TMEM273: variants seen among roughly 807,000 people sequenced by gnomAD.
The protein encoded by TMEM273 is chromosome 10 open reading frame 128.
In TMEM273, 19 loss-of-function variants were observed where a neutral mutation model predicts 17.9. The ratio of observed to expected loss-of-function variants is 1.06; its 90% CI spans 0.74 to 1.55. TMEM273 has a LOEUF of 1.55. TMEM273 is among the 40% of genes most tolerant of loss of function. The pLI is 0.00. For synonymous variants in TMEM273, 66 were observed against 62.0 expected (o/e 1.07, Z -0.31); for missense variants, 194 against 155.6 (o/e 1.25, Z -1.31).
intron 2 of TMEM273, 105 bp downstream of exon 2, chr10:49,167,804 A>G: frequency 6.9e-7 from 1 of 1,448,664 alleles, no homozygotes; most frequent in South Asian, 1.2e-5. Flanking sequence ...TCCTATGCTG[A>G]CAGCAGGGAA....
chr10:49,174,201 C>A (rs1169283790), intron 1 of TMEM273, among the ~76,000 whole-genome samples: 1 of 152,218 alleles, frequency 6.6e-6, no homozygotes, highest in Non-Finnish European at 1.5e-5. Context: ...ACAAGTTATA[C>A]TTCTTAAATT....
rs541384967 is a variant in TMEM273 at position 49,154,834 on chromosome 10, A to G, written c.*1058T>C. ...ATCAGTTAACAAAGGCTGCTAATGA[A>G]CAGCATCGTTATCAAGTTGGGTAAG... On this transcript the variant is annotated 3_prime_UTR_variant, in exon 7 of 7. Transcript: ENST00000374153. 1 of 152,368 alleles carries G rather than the reference A, an allele frequency of 6.6e-6. No homozygotes were observed. Among genetic ancestry groups the G allele is most frequent in the Admixed American group, 6.5e-5 (1 of 15,312 alleles). The allele number at this position is 152,368 out of a possible 1,614,324, so 9.4% of individuals were successfully genotyped here.
chr10:49,159,594 G>C (rs1452877341), intron 6 of TMEM273, among the ~76,000 whole-genome samples: 4 of 152,166 alleles, frequency 2.6e-5, no homozygotes. Context: ...TCGTGACTCT[G>C]CCCATTGAAA....
Position 49,155,686 on chromosome 10 carries a change from G to T in TMEM273, c.*206C>A. 2.9e-6 allele frequency: 2 copies of T among 685,580 alleles called. No homozygotes were observed. Among genetic ancestry groups the T allele is most frequent in the South Asian group, 3.8e-5 (2 of 52,724 alleles). The allele number at this position is 685,580 out of a possible 1,614,324, so 42.5% of individuals were successfully genotyped here. On this transcript the variant is annotated 3_prime_UTR_variant, in exon 7 of 7. Coordinates refer to ENST00000374153, the MANE Select transcript of TMEM273 (RefSeq NM_001288740.3). ...GCTCAATCCTTCCTCTGTGCAGTCC[G>T]TTTCTTCCAGAAGAGGCATGATATT...
At chr10:49,160,909 T>G (rs900767253) in intron 6 of TMEM273, 1 of 152,088 alleles carries the variant, frequency 6.6e-6, no homozygotes, top group African/African-American at 2.4e-5. Flanking sequence ...GAGAGTGAGG[T>G]CAAGAGATTG....
intron 1 of TMEM273, among the ~76,000 whole-genome samples, chr10:49,171,030 C>A (rs1039147944): frequency 6.6e-6 from 1 of 152,178 alleles, no homozygotes; most frequent in Middle Eastern, 3.2e-3. Flanking sequence ...GTGGGAGACC[C>A]CAGGAGGAAG....
At chr10:49,176,114 C>T (rs1171939728) in intron 1 of TMEM273, among the ~76,000 whole-genome samples, 1 of 152,218 alleles carries the variant, frequency 6.6e-6, no homozygotes, top group Non-Finnish European at 1.5e-5. Flanking sequence ...GGCCCCATTG[C>T]ACACAGAGCA....
chr10:49,164,443 T>C (rs1306994440), intron 5 of TMEM273, among the ~76,000 whole-genome samples: 11 of 152,184 alleles, frequency 7.2e-5, no homozygotes, highest in Non-Finnish European at 1.2e-4. Context: ...TGGCTGCAGC[T>C]GGGCCCTCCT....
intron 1 of TMEM273, among the ~76,000 whole-genome samples, chr10:49,170,888 C>T (rs757091252): frequency 4.6e-5 from 7 of 152,226 alleles, no homozygotes; most frequent in Non-Finnish European, 1.0e-4. Context: ...GGGCCATAGA[C>T]CCCCTGCAAG....
chr10:49,166,792 T>C, intron 3 of TMEM273, 77 bp downstream of exon 3: 1 of 1,592,382 alleles, frequency 6.3e-7, no homozygotes, highest in Non-Finnish European at 8.6e-7. Context: ...TCATTCTTGC[T>C]GTAGCCAGCA....
intron 6 of TMEM273, chr10:49,156,292 A>G (rs993618634): frequency 7.6e-7 from 1 of 1,315,442 alleles, no homozygotes; most frequent in Admixed American, 2.3e-5. Flanking sequence ...ACCTATGAGA[A>G]TAGAACTGGA....
intron 1 of TMEM273, among the ~76,000 whole-genome samples, chr10:49,185,838 T>G (rs1442183031): frequency 6.6e-6 from 1 of 151,554 alleles, no homozygotes; most frequent in Non-Finnish European, 1.5e-5. Context: ...ATTAGCCAGG[T>G]GCGGGGGCAT....
chr10:49,158,429 GA>G (rs1442878420), intron 6 of TMEM273, among the ~76,000 whole-genome samples: 3 of 152,042 alleles, frequency 2.0e-5, no homozygotes, highest in Admixed American at 2.0e-4. Flanking sequence ...CCCGCACCAT[GA>G]AAGATTTTTG....
intron 3 of TMEM273, chr10:49,166,633 G>C: frequency 1.8e-6 from 1 of 559,284 alleles, no homozygotes; most frequent in Non-Finnish European, 3.2e-6. Flanking sequence ...GACATGGAAA[G>C]GGAGACAGAA....
chr10:49,186,039 G>A (rs201686709), intron 1 of TMEM273, among the ~76,000 whole-genome samples: 1 of 130,898 alleles, frequency 7.6e-6, no homozygotes, highest in Non-Finnish European at 1.7e-5. Context: ...AGAAGAAAAA[G>A]AAGAAGAAGA....
At chr10:49,169,636 G>A (rs1387882616) in intron 1 of TMEM273, among the ~76,000 whole-genome samples, 2 of 152,106 alleles carry the variant, frequency 1.3e-5, no homozygotes, top group Non-Finnish European at 2.9e-5. Context: ...CACACACACA[G>A]ACACCACCGC....
chr10:49,167,987 C>T, intron 1 of TMEM273, 25 bp from the exon 2 acceptor site: 1 of 1,613,842 alleles, frequency 6.2e-7, no homozygotes, highest in South Asian at 1.1e-5. Context: ...ACCCCAGAGC[C>T]TGGTTAGAAC....
intron 1 of TMEM273, among the ~76,000 whole-genome samples, chr10:49,182,762 A>G (rs1847425355): frequency 6.6e-6 from 1 of 152,232 alleles, no homozygotes; most frequent in Admixed American, 6.5e-5. Flanking sequence ...GTAGAAATTT[A>G]TTTAGAATTG....
intron 6 of TMEM273, among the ~76,000 whole-genome samples, chr10:49,159,033 A>T (rs1222929650): frequency 6.6e-6 from 1 of 152,174 alleles, no homozygotes; most frequent in Non-Finnish European, 1.5e-5. Flanking sequence ...GAACTATTGA[A>T]AATAGCAACT....
Sources: allele counts gnomAD v4.1 joint callset (sites outside exome capture counted in the v4.1 genomes callset), GRCh38; gene constraint gnomAD v4.1.1; transcripts MANE v1.5; gene names NCBI Gene and HGNC (gene_info 2026-07-23, HGNC 2026-07-21).